The following FBXO34 variants were observed in gnomAD, a reference collection of about 807,000 sequenced individuals.
FBXO34 encodes F-box only protein 34.
A neutral mutation model predicts 24.5 loss-of-function variants in FBXO34; 12 were observed. That is an observed-to-expected ratio of 0.49 (90% confidence interval 0.31 to 0.79). The LOEUF (loss-of-function observed/expected upper bound fraction) is 0.79. FBXO34 is among the 30% of genes least tolerant of loss of function. The pLI is 0.04. For missense variants in FBXO34, 823 were observed against 857.7 expected (o/e 0.96, Z 0.51); for synonymous variants, 320 against 311.9 (o/e 1.03, Z -0.27).
intron 1 of FBXO34, among the ~76,000 whole-genome samples, chr14:55,288,961 G>A (rs983803583): frequency 7.2e-5 from 11 of 152,312 alleles, no homozygotes; most frequent in Non-Finnish European, 1.6e-4. Flanking sequence ...TGAGGCAGGA[G>A]AATCGCTTGA....
chr14:55,378,920 C>A, the FBXO34 span, among the ~76,000 whole-genome samples: 1 of 152,102 alleles, frequency 6.6e-6, no homozygotes, highest in East Asian at 1.9e-4. Context: ...GTTTCCCAGG[C>A]TGGTCTCTAA....
At chr14:55,339,384 C>CCG (rs1555339081) in intron 1 of FBXO34, 2 of 141,218 alleles carry the variant, frequency 1.4e-5, no homozygotes, top group African/African-American at 2.6e-5. Flanking sequence ...ACCTGCCCCC[C>CCG]CCCCCAATCC....
At chr14:55,304,650 C>T (rs1041116979) in intron 1 of FBXO34, among the ~76,000 whole-genome samples, 1 of 151,882 alleles carries the variant, frequency 6.6e-6, no homozygotes, top group Admixed American at 6.6e-5. Flanking sequence ...CAAGTACATA[C>T]CACTGTGCCC....
downstream of FBXO34, among the ~76,000 whole-genome samples, chr14:55,355,471 C>G (rs1371121297): frequency 1.3e-5 from 2 of 152,190 alleles, no homozygotes; most frequent in Non-Finnish European, 2.9e-5. Context: ...TTCTGCATCG[C>G]AGATTCAACC....
the FBXO34 span, among the ~76,000 whole-genome samples, chr14:55,399,937 A>C: frequency 6.6e-6 from 1 of 152,274 alleles, no homozygotes; most frequent in Non-Finnish European, 1.5e-5. Context: ...ACAAACTCTT[A>C]CAAATATACA....
intron 1 of FBXO34, among the ~76,000 whole-genome samples, chr14:55,313,662 C>G (rs1882827031): frequency 6.6e-6 from 1 of 152,174 alleles, no homozygotes; most frequent in Non-Finnish European, 1.5e-5. Flanking sequence ...AAGAAGCAGA[C>G]ACCTTCTTCA....
At chr14:55,382,985 G>A in the FBXO34 span, among the ~76,000 whole-genome samples, 2 of 152,292 alleles carry the variant, frequency 1.3e-5, no homozygotes, top group African/African-American at 4.8e-5. Flanking sequence ...GAGTGACACT[G>A]TTTTACATTT....
At chr14:55,370,703 G>A (rs368918157), downstream of FBXO34, among the ~76,000 whole-genome samples, 5 of 151,598 alleles carry the variant, frequency 3.3e-5, no homozygotes, top group African/African-American at 9.7e-5. Flanking sequence ...GTGCAGTGGC[G>A]CCATCTTGGC....
At chr14:55,289,333 A>G (rs1459935269) in intron 1 of FBXO34, among the ~76,000 whole-genome samples, 1 of 152,154 alleles carries the variant, frequency 6.6e-6, no homozygotes, top group Non-Finnish European at 1.5e-5. Flanking sequence ...AAAAGTTTGT[A>G]TATTTTAGTA....
chr14:55,390,499 A>T, the FBXO34 span, among the ~76,000 whole-genome samples: 1 of 151,440 alleles, frequency 6.6e-6, no homozygotes, highest in Non-Finnish European at 1.5e-5. Flanking sequence ...TCAGCCTCCC[A>T]AGTAGCTGGG....
chr14:55,408,060 T>A, the FBXO34 span, among the ~76,000 whole-genome samples: 1 of 152,216 alleles, frequency 6.6e-6, no homozygotes, highest in Non-Finnish European at 1.5e-5. Context: ...CTAGGCATCA[T>A]GCTAACCACT....
At chr14:55,422,476 C>T in the FBXO34 span, among the ~76,000 whole-genome samples, 1 of 152,228 alleles carries the variant, frequency 6.6e-6, no homozygotes, top group South Asian at 2.1e-4. Flanking sequence ...ATCTTGAACT[C>T]CTGACCTCAT....
chr14:55,385,667 C>T, the FBXO34 span, among the ~76,000 whole-genome samples: 1 of 152,156 alleles, frequency 6.6e-6, no homozygotes, highest in African/African-American at 2.4e-5. Context: ...AAGTGTGGGC[C>T]CCACCCCTCA....
At chr14:55,325,004 C>G (rs185634655) in intron 1 of FBXO34, among the ~76,000 whole-genome samples, 19 of 152,278 alleles carry the variant, frequency 1.2e-4, no homozygotes, top group Admixed American at 2.0e-4. Flanking sequence ...GGCACTAATC[C>G]TATTCACAAA....
At chr14:55,397,539 T>A in the FBXO34 span, 5 of 896,782 alleles carry the variant, frequency 5.6e-6, no homozygotes, top group Non-Finnish European at 9.0e-6. Flanking sequence ...CATGTGAAAA[T>A]GTCATTGTCC....
At chr14:55,404,657 A>C in the FBXO34 span, among the ~76,000 whole-genome samples, 1 of 152,210 alleles carries the variant, frequency 6.6e-6, no homozygotes, top group African/African-American at 2.4e-5. Flanking sequence ...GGCAGGGTGT[A>C]CAGGTGGGGG....
At chr14:55,388,317 G>A in the FBXO34 span, among the ~76,000 whole-genome samples, 1,707 of 152,292 alleles carry the variant, frequency 0.011, 14 homozygotes, top group Middle Eastern at 0.027. Context: ...ATTTCTGGGG[G>A]AAGATCCATT....
chr14:55,288,430 T>G (rs1881834785), intron 1 of FBXO34, among the ~76,000 whole-genome samples: 1 of 152,084 alleles, frequency 6.6e-6, no homozygotes, highest in Admixed American at 6.5e-5. Context: ...ATGGTTTAAT[T>G]AAGAGTAGAT....
chr14:55,336,894 A>G (rs1883798870), intron 1 of FBXO34, among the ~76,000 whole-genome samples: 1 of 150,706 alleles, frequency 6.6e-6, no homozygotes, highest in Non-Finnish European at 1.5e-5. Context: ...ACACACACAC[A>G]TATATACTAT....
Sources: allele counts gnomAD v4.1 joint callset (sites outside exome capture counted in the v4.1 genomes callset), GRCh38; gene constraint gnomAD v4.1.1; transcripts MANE v1.5; gene names NCBI Gene and HGNC (gene_info 2026-07-23, HGNC 2026-07-21).